Variants in WDPCP observed in about 807,000 individuals in gnomAD.
WDPCP encodes the protein WD repeat containing planar cell polarity effector.
Under a neutral mutation model 93.1 loss-of-function variants are expected in WDPCP, and 71 were observed. That is an observed-to-expected ratio of 0.76 (90% CI 0.63 to 0.93). WDPCP has a LOEUF of 0.93. Among genes scored for constraint, WDPCP ranks in the 40% least tolerant of loss-of-function variants. The pLI, the probability that WDPCP is intolerant of heterozygous loss-of-function variation, is 0.00. For missense variants in WDPCP, 844 were observed against 887.4 expected (o/e 0.95, Z 0.62); for synonymous variants, 315 against 315.0 (o/e 1.00, Z 0.00).
chr2:63,717,362 T>G lies in WDPCP; in HGVS notation n.309-66524A>C, dbSNP rs1205721851. 1.5e-5 allele frequency: 7 copies of G among 474,178 alleles called. 1 individual carries two copies. Among genetic ancestry groups the G allele is most frequent in the South Asian group, 1.2e-4 (7 of 58,302 alleles). 29.4% of individuals were successfully genotyped at this position (474,178 alleles called of 1,614,324 possible). A position where few individuals can be genotyped will look rare whatever the true frequency, so the allele number is the denominator to read the frequency against. The stretch of plus-strand genomic sequence containing the variant: ...ACAATAGGCACCAAGGACTGGTACA[T>G]GAAATGTCAGTTCTTGATCCTGATG... On this transcript the variant is annotated intron_variant and non_coding_transcript_variant, in intron 2 of 4. Transcript: ENST00000467687.
chr2:63,755,409 T>C (rs1171485245), intron 2 of WDPCP, among the ~76,000 whole-genome samples: 1 of 152,174 alleles, frequency 6.6e-6, no homozygotes, highest in African/African-American at 2.4e-5. Context: ...TGTCGTATAG[T>C]TGGTTAGCCA....
intron 2 of WDPCP, among the ~76,000 whole-genome samples, chr2:63,755,591 C>T (rs1042595156): frequency 6.6e-6 from 1 of 152,182 alleles, no homozygotes; most frequent in Non-Finnish European, 1.5e-5. Flanking sequence ...CCCAAACCTA[C>T]ATAATGCTTA....
chr2:63,494,876 C>T (rs911647007), intron 1 of WDPCP, among the ~76,000 whole-genome samples: 7 of 144,934 alleles, frequency 4.8e-5, no homozygotes, highest in African/African-American at 1.0e-4. Context: ...GCCGAGATCG[C>T]GCCACTGCAC....
chr2:63,575,467 G>GTGTGCACTGTATATA (rs1558832897), intron 1 of WDPCP, among the ~76,000 whole-genome samples: 1 of 6,842 alleles, frequency 1.5e-4, no homozygotes, highest in Non-Finnish European at 2.5e-4. Flanking sequence ...CAGTATATAT[G>GTGTGCACTGTATATA]CAGTATATAC....
At chr2:63,409,646 A>T (rs934470065) in intron 9 of WDPCP, among the ~76,000 whole-genome samples, 5 of 152,190 alleles carry the variant, frequency 3.3e-5, no homozygotes, top group Non-Finnish European at 7.3e-5. Flanking sequence ...GGAAATTCGA[A>T]AAACGATAGA....
intron 2 of WDPCP, among the ~76,000 whole-genome samples, chr2:63,736,713 T>C (rs1669644826): frequency 6.6e-6 from 1 of 152,156 alleles, no homozygotes; most frequent in South Asian, 2.1e-4. Context: ...GAACAGCTCA[T>C]CAGCAATGTT....
At chr2:63,528,291 C>A (rs929366590) in intron 1 of WDPCP, among the ~76,000 whole-genome samples, 2 of 152,198 alleles carry the variant, frequency 1.3e-5, no homozygotes, top group African/African-American at 4.8e-5. Flanking sequence ...AGTCCTTGCC[C>A]ATGCCTATGT....
At chr2:63,417,705 A>C (rs1393554390) in intron 9 of WDPCP, among the ~76,000 whole-genome samples, 3 of 149,410 alleles carry the variant, frequency 2.0e-5, no homozygotes, top group Non-Finnish European at 4.4e-5. Context: ...AAGTTGATCA[A>C]GAAGACTGAA....
intron 1 of WDPCP, among the ~76,000 whole-genome samples, chr2:63,823,598 G>A (rs1303375901): frequency 6.6e-6 from 1 of 152,146 alleles, no homozygotes; most frequent in African/African-American, 2.4e-5. Context: ...GTAACATTTT[G>A]TTGTTTGTTT....
chr2:63,259,860 T>C (rs923791351), intron 13 of WDPCP, among the ~76,000 whole-genome samples: 25 of 152,238 alleles, frequency 1.6e-4, no homozygotes, highest in African/African-American at 5.8e-4. Flanking sequence ...TGAACTCAAA[T>C]AATTAGTACT....
chr2:63,506,985 A>AAG (rs1266065780), intron 1 of WDPCP, among the ~76,000 whole-genome samples: 4 of 151,756 alleles, frequency 2.6e-5, no homozygotes. Context: ...CGTACAGAGA[A>AAG]AGAGAGAGAG....
At chr2:63,401,023 A>G (rs538227508) in intron 10 of WDPCP, among the ~76,000 whole-genome samples, 1 of 152,292 alleles carries the variant, frequency 6.6e-6, no homozygotes, top group Admixed American at 6.5e-5. Context: ...TAAATGTAAA[A>G]CCCAAAATCA....
chr2:63,481,125 A>C (rs1181720750), intron 6 of WDPCP, among the ~76,000 whole-genome samples: 1 of 151,466 alleles, frequency 6.6e-6, no homozygotes, highest in African/African-American at 2.4e-5. Flanking sequence ...ATGGCCAGCA[A>C]ACACATGGAA....
intron 9 of WDPCP, among the ~76,000 whole-genome samples, chr2:63,414,341 GA>G (rs895078453): frequency 6.6e-6 from 1 of 152,054 alleles, no homozygotes; most frequent in South Asian, 2.1e-4. Context: ...CTACCCAGAG[GA>G]AAAAAAGTCA....
At chr2:63,122,146 A>C in intron 17 of WDPCP, 90 bp from the exon 18 acceptor site, 2 of 1,065,368 alleles carry the variant, frequency 1.9e-6, no homozygotes, top group South Asian at 2.7e-5. Context: ...AGTACTGAAA[A>C]ATAGTGAAAC....
chr2:63,547,296 A>G (rs1270450298), intron 1 of WDPCP, among the ~76,000 whole-genome samples: 2 of 152,138 alleles, frequency 1.3e-5, no homozygotes, highest in Non-Finnish European at 2.9e-5. Context: ...AGGCTCAACT[A>G]TTAAACACTG....
At chr2:63,533,909 A>C (rs757398637) in intron 1 of WDPCP, among the ~76,000 whole-genome samples, 2 of 152,208 alleles carry the variant, frequency 1.3e-5, no homozygotes, top group African/African-American at 2.4e-5. Flanking sequence ...ACAAAAAATC[A>C]ATAAATGCAG....
rs185606044 is a variant in WDPCP, at chr2:63,755,363, G to A, written n.308+58259C>T. Among the ~76,000 whole-genome samples, 7 of 152,218 alleles carry A rather than the reference G, an allele frequency of 4.6e-5. No homozygotes were observed. In the East Asian group the frequency reaches 7.7e-4, roughly 17 times the overall value. On this transcript the variant is annotated intron_variant and non_coding_transcript_variant, in intron 2 of 4. Coordinates refer to the WDPCP transcript ENST00000467687. ...GCATTCCATTGGAGTACACTTACTC[G>A]CATGGCTACATCTAATAGCAGGAGA...
At position 63,131,936 on chromosome 2, in the gene WDPCP, G is replaced by A. The variant is rs112774836; in HGVS notation, c.2191-9880C>T. Among the ~76,000 whole-genome samples, 173 of 148,660 alleles carry A rather than the reference G, an allele frequency of 1.2e-3. 1 individual carries two copies. Among genetic ancestry groups the A allele is most frequent in the Non-Finnish European group, 2.0e-3 (135 of 67,514 alleles). ...CTGCAACCTCCACCTCCCAGGTTCC[G>A]CTATTCTCCTGTCTTAGCCTCCTGA... On this transcript the variant is annotated intron_variant, in intron 17 of 17. Transcript: ENST00000272321.
Sources: gnomAD v4.1 joint callset for allele counts (sites outside exome capture counted in the v4.1 genomes callset) on GRCh38, gnomAD v4.1.1 for gene constraint, MANE v1.5 for transcripts, NCBI Gene and HGNC (gene_info 2026-07-23, HGNC 2026-07-21) for gene names.